The following HDAC9 variants were observed in gnomAD, a reference collection of about 807,000 sequenced individuals.
The protein encoded by HDAC9 is histone deacetylase 9.
HDAC9 carries 41 observed loss-of-function variants against 139.4 expected under a neutral mutation model. The observed-to-expected ratio is 0.29, with a 90% CI of 0.23 to 0.38. The LOEUF is 0.38. Ranked by LOEUF, HDAC9 falls within the 10% of genes least tolerant of loss-of-function variation. The probability of loss-of-function intolerance (pLI) is 1.00; values close to 1 mark genes in which losing one functional copy is unlikely to be tolerated. For missense variants in HDAC9, 1,147 were observed against 1,297.0 expected (o/e 0.88, Z 1.78); for synonymous variants, 517 against 476.2 (o/e 1.09, Z -1.12).
At chr7:18,815,853 A>C (rs1794522961) in intron 17 of HDAC9, among the ~76,000 whole-genome samples, 1 of 152,272 alleles carries the variant, frequency 6.6e-6, no homozygotes, top group African/African-American at 2.4e-5. Flanking sequence ...AAATATCCCT[A>C]CTTCCCTGAA....
chr7:18,207,949 G>A (rs984019406), intron 2 of HDAC9, among the ~76,000 whole-genome samples: 1 of 151,936 alleles, frequency 6.6e-6, no homozygotes, highest in African/African-American at 2.4e-5. Flanking sequence ...CCCGATCTCA[G>A]GTGATCTGCC....
At chr7:18,291,608 A>T (rs562607809) in intron 1 of HDAC9, among the ~76,000 whole-genome samples, 2 of 152,034 alleles carry the variant, frequency 1.3e-5, no homozygotes, top group African/African-American at 4.8e-5. Context: ...GTATCTGAGC[A>T]TATTGGGCTG....
At chr7:18,552,672 G>A (rs1817528595) in intron 2 of HDAC9, among the ~76,000 whole-genome samples, 1 of 152,128 alleles carries the variant, frequency 6.6e-6, no homozygotes, top group African/African-American at 2.4e-5. Context: ...ATAACTGTAG[G>A]TATGGCATTC....
intron 1 of HDAC9, among the ~76,000 whole-genome samples, chr7:18,474,001 T>G (rs1327517278): frequency 3.3e-5 from 5 of 152,314 alleles, no homozygotes; most frequent in African/African-American, 1.2e-4. Flanking sequence ...CCCTTGTACT[T>G]TTCAGCTTCT....
At chr7:18,511,149 A>T (rs1182749338) in intron 2 of HDAC9, among the ~76,000 whole-genome samples, 2 of 152,196 alleles carry the variant, frequency 1.3e-5, no homozygotes. Context: ...TTGCTAAAAG[A>T]TGAACATAAA....
At chr7:18,555,024 T>C (rs892113838) in intron 2 of HDAC9, among the ~76,000 whole-genome samples, 1 of 152,228 alleles carries the variant, frequency 6.6e-6, no homozygotes, top group Admixed American at 6.5e-5. Context: ...CAGAAACATA[T>C]AAAATTGTGT....
At chr7:18,823,951 C>T (rs1166118518) in intron 17 of HDAC9, among the ~76,000 whole-genome samples, 1 of 150,382 alleles carries the variant, frequency 6.6e-6, no homozygotes, top group Admixed American at 6.7e-5. Flanking sequence ...GCACTGCAGC[C>T]TGGGTGACAG....
chr7:18,972,757 A>G (rs954899144), intron 24 of HDAC9, among the ~76,000 whole-genome samples: 18 of 152,290 alleles, frequency 1.2e-4, no homozygotes, highest in African/African-American at 4.1e-4. Flanking sequence ...TTTACCTGGT[A>G]AAAGGTACTT....
intron 23 of HDAC9, chr7:18,948,991 C>A: frequency 2.6e-6 from 1 of 390,332 alleles, no homozygotes; most frequent in South Asian, 2.1e-5. Context: ...AATTGGTTTC[C>A]AATTTGGGAA....
chr7:18,515,926 G>T (rs1013556220), intron 2 of HDAC9, among the ~76,000 whole-genome samples: 3 of 152,128 alleles, frequency 2.0e-5, no homozygotes, highest in African/African-American at 4.8e-5. Context: ...GATATATAAA[G>T]AATATATTTT....
intron 16 of HDAC9, 158 bp from the exon 17 acceptor site, chr7:18,793,187 T>C: frequency 3.2e-6 from 2 of 615,566 alleles, no homozygotes; most frequent in Middle Eastern, 4.1e-4. Flanking sequence ...ACTAATGTTA[T>C]TGTACATAGG....
chr7:18,523,692 G>A (rs1805823325), intron 2 of HDAC9, among the ~76,000 whole-genome samples: 1 of 152,126 alleles, frequency 6.6e-6, no homozygotes, highest in Non-Finnish European at 1.5e-5. Flanking sequence ...GGTTAGAAAT[G>A]GTGCTGTTAG....
chr7:18,674,155 A>G (rs749348085), intron 12 of HDAC9, among the ~76,000 whole-genome samples: 6 of 152,044 alleles, frequency 3.9e-5, no homozygotes, highest in Non-Finnish European at 8.8e-5. Flanking sequence ...ACATCATCAT[A>G]TTTCTTTACT....
At chr7:18,573,383 G>A (rs1824931614) in intron 2 of HDAC9, among the ~76,000 whole-genome samples, 1 of 152,230 alleles carries the variant, frequency 6.6e-6, no homozygotes. Context: ...TCCAATTTGG[G>A]CAGTATTGTT....
chr7:18,969,495 T>C (rs989279671), intron 24 of HDAC9, among the ~76,000 whole-genome samples: 3 of 152,086 alleles, frequency 2.0e-5, no homozygotes, highest in Non-Finnish European at 4.4e-5. Flanking sequence ...AAATTACCAA[T>C]GTCAGGCATC....
chr7:18,742,059 T>A (rs750058518), intron 13 of HDAC9, among the ~76,000 whole-genome samples: 2 of 152,192 alleles, frequency 1.3e-5, no homozygotes, highest in African/African-American at 2.4e-5. Context: ...TGGGCATTGT[T>A]GAAATGACGA....
chr7:18,308,906 T>C (rs995208460), intron 1 of HDAC9, among the ~76,000 whole-genome samples: 3 of 152,220 alleles, frequency 2.0e-5, no homozygotes, highest in African/African-American at 7.2e-5. Context: ...ATGCAGGCTT[T>C]ACCTGTGTGC....
intron 1 of HDAC9, among the ~76,000 whole-genome samples, chr7:18,151,563 G>A (rs990391493): frequency 2.0e-5 from 3 of 152,086 alleles, no homozygotes; most frequent in Non-Finnish European, 4.4e-5. Flanking sequence ...ATGGTTCTTC[G>A]AAGAGATGAT....
intron 2 of HDAC9, among the ~76,000 whole-genome samples, chr7:18,562,332 T>C (rs1169112949): frequency 3.9e-5 from 6 of 152,166 alleles, no homozygotes; most frequent in Non-Finnish European, 5.9e-5. Flanking sequence ...TTTATGTGTT[T>C]TTCTCTTATT....
Sources: gnomAD v4.1 joint callset for allele counts (sites outside exome capture counted in the v4.1 genomes callset) on GRCh38, gnomAD v4.1.1 for gene constraint, MANE v1.5 for transcripts, NCBI Gene and HGNC (gene_info 2026-07-23, HGNC 2026-07-21) for gene names.